KPNA1: variants seen among roughly 807,000 people sequenced by gnomAD.
The protein encoded by KPNA1 is importin subunit alpha-5.
In KPNA1, 10 loss-of-function variants were observed where a neutral mutation model predicts 70.5. The observed-to-expected ratio is 0.14, with a 90% CI of 0.09 to 0.24. The LOEUF (loss-of-function observed/expected upper bound fraction) is 0.24. Among genes scored for constraint, KPNA1 ranks in the 10% least tolerant of loss-of-function variants. KPNA1 has a pLI of 1.00. For synonymous variants in KPNA1, 192 were observed against 221.9 expected (o/e 0.87, Z 1.20); for missense variants, 397 against 637.9 (o/e 0.62, Z 4.07).
At position 122,451,614 on chromosome 3, in the gene KPNA1, G is replaced by A. The variant is rs775027981; in HGVS notation, c.673C>T (p.Arg225Cys). 8.7e-6 allele frequency: 14 copies of A among 1,613,570 alleles called. No homozygotes were observed. The highest frequency in any genetic ancestry group is 3.3e-5 in the South Asian group (3 of 91,036). Residue 225 changes from arginine (R) to cysteine (C), a missense_variant, in exon 8 of 14, where the codon CGC (arginine) becomes TGC (cysteine). Transcript: ENST00000344337. The stretch of plus-strand genomic sequence containing the variant: ...ACTGCATTCCGGGTCATGGTCAGGC[G>A]GTTTTGCTTTGAAAATAACCTAAAA... ...PLLQLFSKQN[R>C]LTMTRNAVWA...
intron 3 of KPNA1, among the ~76,000 whole-genome samples, chr3:122,465,879 T>C (rs912202821): frequency 6.6e-5 from 10 of 152,338 alleles, no homozygotes; most frequent in African/African-American, 2.4e-4. Flanking sequence ...TTAACCTGAA[T>C]TTATAGTGGG....
At chr3:122,482,471 T>C (rs1233937666) in intron 2 of KPNA1, among the ~76,000 whole-genome samples, 2 of 152,200 alleles carry the variant, frequency 1.3e-5, no homozygotes, top group African/African-American at 4.8e-5. Flanking sequence ...TTTATTATTT[T>C]CATTCAACAC....
intron 12 of KPNA1, among the ~76,000 whole-genome samples, chr3:122,430,559 CTGTGTGTGTG>C (rs113921259): frequency 4.1e-5 from 6 of 145,004 alleles, no homozygotes; most frequent in South Asian, 2.2e-4. Context: ...CTCAAATAAA[CTGTGTGTGTG>C]TGTGTGTGTG....
In KPNA1 at chr3:122,506,089, T is replaced by C. The variant is rs527255304; in HGVS notation, c.-6+8668A>G. Among the ~76,000 whole-genome samples, 5 of 152,344 alleles carry C rather than the reference T, an allele frequency of 3.3e-5. No homozygotes were observed. In the South Asian group the frequency reaches 1.0e-3, roughly 32 times the overall value. Reference sequence around the variant, plus strand: ...CTCCACCACTCTAAACCCAAAACAATGAGTGTAGATCTTTTTATATTTTTA... The same window carrying C: ...CTCCACCACTCTAAACCCAAAACAACGAGTGTAGATCTTTTTATATTTTTA... On this transcript the variant is annotated intron_variant, in intron 1 of 13. Coordinates refer to ENST00000344337, the MANE Select transcript of KPNA1 (RefSeq NM_002264.4).
intron 2 of KPNA1, among the ~76,000 whole-genome samples, chr3:122,476,132 C>G (rs1005348070): frequency 6.6e-6 from 1 of 152,126 alleles, no homozygotes; most frequent in Non-Finnish European, 1.5e-5. Context: ...AGAAATAAAT[C>G]CACACATTTA....
Position 122,475,480 on chromosome 3 carries a change from T to C in KPNA1, c.130-8051A>G, listed in dbSNP as rs1399979289. 1.2e-4 allele frequency among the ~76,000 whole-genome samples: 19 copies of C among 152,324 alleles called. No homozygotes were observed. In the East Asian group the frequency reaches 3.7e-3, roughly 29 times the overall value. On this transcript the variant is annotated intron_variant, in intron 2 of 13. Transcript: ENST00000344337. The stretch of plus-strand genomic sequence containing the variant: ...TCCATCAAAATTCCAATGACATTTC[T>C]CACAGAAATTTTTTAAAATCCTAAA...
chr3:122,490,055 C>CCGAA (rs2076679903), intron 2 of KPNA1, among the ~76,000 whole-genome samples: 1 of 152,206 alleles, frequency 6.6e-6, no homozygotes, highest in South Asian at 2.1e-4. Context: ...AGGCACTGTT[C>CCGAA]CGTCTAATCC....
At chr3:122,473,775 TTC>T (rs1306997777) in intron 2 of KPNA1, among the ~76,000 whole-genome samples, 2 of 152,140 alleles carry the variant, frequency 1.3e-5, no homozygotes, top group African/African-American at 4.8e-5. Flanking sequence ...AACTAGAAGC[TTC>T]TCTGCTAAGA....
chr3:122,427,514 A>G (rs1352811780), intron 13 of KPNA1, 24 bp downstream of exon 13: 1 of 1,600,182 alleles, frequency 6.2e-7, no homozygotes, highest in Non-Finnish European at 8.5e-7. Context: ...TTGGCCATAA[A>G]CTTCTTCAAC....
intron 10 of KPNA1, among the ~76,000 whole-genome samples, chr3:122,441,305 T>C (rs937858351): frequency 2.6e-5 from 4 of 152,000 alleles, no homozygotes; most frequent in African/African-American, 9.6e-5. Flanking sequence ...GATACAGAAG[T>C]TGAATAGAGT....
intron 2 of KPNA1, among the ~76,000 whole-genome samples, chr3:122,474,801 T>C (rs112421848): frequency 1.0e-3 from 158 of 152,160 alleles, no homozygotes; most frequent in African/African-American, 3.6e-3. Context: ...ATGAGACAAA[T>C]TTCAACATCC....
chr3:122,479,416 G>A (rs1408106815), intron 2 of KPNA1, among the ~76,000 whole-genome samples: 1 of 152,124 alleles, frequency 6.6e-6, no homozygotes, highest in African/African-American at 2.4e-5. Flanking sequence ...GGCAGAAAAG[G>A]CAAAATGGTA....
rs181019587 is a variant in KPNA1, at chr3:122,444,168, A to T, written c.918-2052T>A. On this transcript the variant is annotated intron_variant, in intron 9 of 13. Transcript: ENST00000344337. ...TCCTATTCGCTTTTGCAAGAAGAGAAATATGATTCTGTTCTGCCCAGCCCC... is the reference window on the plus strand; with the variant it reads ...TCCTATTCGCTTTTGCAAGAAGAGATATATGATTCTGTTCTGCCCAGCCCC... 4.5e-3 allele frequency among the ~76,000 whole-genome samples: 635 copies of T among 141,356 alleles called. 3 individuals are homozygous for T. Among genetic ancestry groups the T allele is most frequent in the Non-Finnish European group, 8.2e-3 (502 of 61,540 alleles). The allele number at this position is 141,356 out of a possible 152,430, so 92.7% of individuals were successfully genotyped here. A position where few individuals can be genotyped will look rare whatever the true frequency, so the allele number is the denominator to read the frequency against.
At chr3:122,488,223 A>G (rs1191564689) in intron 2 of KPNA1, among the ~76,000 whole-genome samples, 1 of 152,188 alleles carries the variant, frequency 6.6e-6, no homozygotes, top group Non-Finnish European at 1.5e-5. Context: ...TTTTAAGTTT[A>G]AAAATCTTTA....
At position 122,422,361 on chromosome 3, in the gene KPNA1, A is replaced by C. The variant is rs1316672110; in HGVS notation, c.*4624T>G. ...TCATTTGCACAAAAAAAAAAAAAAA[A>C]AAAACCTATTACCATACTTGTCTGG... On this transcript the variant is annotated 3_prime_UTR_variant, in exon 14 of 14. Coordinates refer to ENST00000344337, the MANE Select transcript of KPNA1 (RefSeq NM_002264.4). 1.3e-5 allele frequency: 2 copies of C among 152,146 alleles called. No homozygotes were observed. The highest frequency in any genetic ancestry group is 2.9e-5 in the Non-Finnish European group (2 of 68,010). 9.4% of individuals were successfully genotyped at this position (152,146 alleles called of 1,614,324 possible). A position where few individuals can be genotyped will look rare whatever the true frequency, so the allele number is the denominator to read the frequency against.
intron 1 of KPNA1, among the ~76,000 whole-genome samples, chr3:122,503,001 G>C (rs538590501): frequency 1.6e-4 from 25 of 152,194 alleles, no homozygotes; most frequent in African/African-American, 5.1e-4. Flanking sequence ...GGGAGGCTGA[G>C]ATGGGAGCAT....
At chr3:122,442,942 T>C (rs1236166650) in intron 9 of KPNA1, 2 of 152,376 alleles carry the variant, frequency 1.3e-5, no homozygotes, top group Non-Finnish European at 2.9e-5. Context: ...TTCATCTCAC[T>C]GGGACTGGTT....
chr3:122,457,669 T>C, intron 5 of KPNA1: 16 of 1,248,412 alleles, frequency 1.3e-5, no homozygotes, highest in Non-Finnish European at 1.6e-5. Context: ...CTCTACCTTC[T>C]GGCGCTCAGT....
chr3:122,467,187 G>A lies in KPNA1; in HGVS notation c.237+135C>T, dbSNP rs1214478892. 11 of 441,960 alleles carry A rather than the reference G, an allele frequency of 2.5e-5. No individual in the cohort carries two copies. In the Admixed American group the frequency reaches 4.0e-4, roughly 16 times the overall value. 27.4% of individuals were successfully genotyped at this position (441,960 alleles called of 1,614,324 possible). On this transcript the variant is annotated intron_variant, in intron 3 of 13. Transcript: ENST00000344337. ...ATATAATAAACATTTAATGAACCAT[G>A]AGATTAAGCATATTCTTTTTAAAAA...
Sources: allele counts gnomAD v4.1 joint callset (sites outside exome capture counted in the v4.1 genomes callset), GRCh38; gene constraint gnomAD v4.1.1; transcripts MANE v1.5; gene names NCBI Gene and HGNC (gene_info 2026-07-23, HGNC 2026-07-21).